The following AGL variants were observed in gnomAD, a reference collection of about 807,000 sequenced individuals.
AGL encodes the protein glycogen debranching enzyme.
A neutral mutation model predicts 199.3 loss-of-function variants in AGL; 128 were observed. That is an observed-to-expected ratio of 0.64 (90% CI 0.56 to 0.74). AGL has a LOEUF of 0.74. Ranked by LOEUF, AGL falls within the 30% of genes least tolerant of loss-of-function variation. AGL has a pLI of 0.00. For synonymous variants in AGL, 584 were observed against 594.7 expected, an observed-to-expected ratio of 0.98 and a Z score of 0.26; for missense variants, 1,809 against 1,820.8, an observed-to-expected ratio of 0.99 and a Z score of 0.12.
chr1:99,854,392 C>G (rs968406595), intron 2 of AGL, among the ~76,000 whole-genome samples: 1 of 152,078 alleles, frequency 6.6e-6, no homozygotes, highest in Admixed American at 6.5e-5. Flanking sequence ...TGGTTAAAAC[C>G]GGTAAATGTA....
At position 99,900,880 on chromosome 1, in the gene AGL, A is replaced by ATTT. The variant is rs762195957; in HGVS notation, c.3588+20_3588+21insTTT. 1 of 1,518,610 alleles carries ATTT rather than the reference A, an allele frequency of 6.6e-7. No individual in the cohort carries two copies. Among genetic ancestry groups the ATTT allele is most frequent in the Non-Finnish European group, 9.0e-7 (1 of 1,115,412 alleles). The allele number at this position is 1,518,610 out of a possible 1,614,324, so 94.1% of individuals were successfully genotyped here. A position where few individuals can be genotyped will look rare whatever the true frequency, so the allele number is the denominator to read the frequency against. On this transcript the variant is annotated intron_variant, in intron 26 of 33. Coordinates refer to ENST00000361915, the MANE Select transcript of AGL (RefSeq NM_000642.3). The stretch of plus-strand genomic sequence containing the variant: ...CACACTGGTAAAGATATTTCTTAAA[A>ATTT]TGTTTTTTTGTTTTTTTTTTTTTTT...
Position 99,881,325 on chromosome 1 carries a change from A to G in AGL, c.2035A>G (p.Lys679Glu). The change falls in exon 16 of 34, where the codon AAG becomes GAG. Residue 679 changes from lysine (K) to glutamate (E), a missense_variant. Transcript: ENST00000361915. ...GGTTTCTGAAGAACGGTTTTACACTAAGTGGAATCCTGAAGCATTGCCTTC... is the reference window on the plus strand; with the variant it reads ...GGTTTCTGAAGAACGGTTTTACACTGAGTGGAATCCTGAAGCATTGCCTTC... ...SVVSEERFYTKWNPEALPSNT... is the reference protein window; with the variant it reads ...SVVSEERFYTEWNPEALPSNT... 6.2e-7 allele frequency: 1 copy of G among 1,614,128 alleles called. No individual in the cohort carries two copies. Among genetic ancestry groups the G allele is most frequent in the Non-Finnish European group, 8.5e-7 (1 of 1,179,996 alleles).
chr1:99,855,831 G>A (rs1048787833), intron 2 of AGL, among the ~76,000 whole-genome samples: 1 of 151,828 alleles, frequency 6.6e-6, no homozygotes, highest in Admixed American at 6.6e-5. Context: ...AACAAAATAA[G>A]TACTTCCCAA....
At chr1:99,861,198 G>A (rs1571225499) in intron 2 of AGL, 1 of 1,235,344 alleles carries the variant, frequency 8.1e-7, no homozygotes, top group East Asian at 4.6e-5. Context: ...GGGGGATCAT[G>A]GTAAATGGGG....
intron 27 of AGL, among the ~76,000 whole-genome samples, chr1:99,904,415 G>GGT (rs1654095346): frequency 6.6e-6 from 1 of 152,142 alleles, no homozygotes; most frequent in African/African-American, 2.4e-5. Context: ...ACCCAGTACA[G>GGT]CATCAGAGTC....
chr1:99,856,452 T>G (rs6674718), intron 2 of AGL, among the ~76,000 whole-genome samples: 41,060 of 150,168 alleles, frequency 0.27, 6,745 homozygotes, highest in African/African-American at 0.46. Flanking sequence ...ATTTATTTAT[T>G]TATTTATTTT....
intron 2 of AGL, among the ~76,000 whole-genome samples, chr1:99,857,835 A>AGGGGGGG (rs1270994996): frequency 2.7e-4 from 1 of 3,666 alleles, no homozygotes; most frequent in African/African-American, 1.2e-3. Flanking sequence ...GACCGTGGGG[A>AGGGGGGG]GGGGGAGGGG....
At chr1:99,901,933 A>T (rs1018712972) in intron 26 of AGL, among the ~76,000 whole-genome samples, 1 of 152,140 alleles carries the variant, frequency 6.6e-6, no homozygotes, top group African/African-American at 2.4e-5. Context: ...GGTTCATGCT[A>T]TCAGGCAGGT....
chr1:99,901,557 G>A (rs991649756), intron 26 of AGL, among the ~76,000 whole-genome samples: 9 of 152,030 alleles, frequency 5.9e-5, no homozygotes, highest in African/African-American at 2.2e-4. Flanking sequence ...ATACCTGCAG[G>A]GTAGTAAGAG....
At position 99,884,208 on chromosome 1, in the gene AGL, A is replaced by AC. The variant is rs1652268068; in HGVS notation, c.2399dup (p.Asp801ArgfsTer7). On this transcript the variant is annotated frameshift_variant, in exon 18 of 34. Coordinates refer to ENST00000361915, the MANE Select transcript of AGL (RefSeq NM_000642.3). LOFTEE classifies it high-confidence loss of function. ...AGGATGAGAATTCAATCAATGGAAC[A>AC]CCAGATATCACAGTAGAAATTAGAG... 2 of 1,613,292 alleles carry AC rather than the reference A, an allele frequency of 1.2e-6. No homozygotes were observed. The highest frequency in any genetic ancestry group is 2.2e-5 in the South Asian group (2 of 91,066).
rs760592736 is a variant in AGL at position 99,902,653 on chromosome 1, C to G, written c.3589-30C>G. Reference sequence around the variant, plus strand: ...AAAATAAGAAAAATGTAATTTCTAACAGAGGTAACACCCATTATGTCTCAA... The same window carrying G: ...AAAATAAGAAAAATGTAATTTCTAAGAGAGGTAACACCCATTATGTCTCAA... On this transcript the variant is annotated intron_variant, in intron 26 of 33. Coordinates refer to ENST00000361915, the MANE Select transcript of AGL (RefSeq NM_000642.3). The G allele has an allele frequency of 1.5e-5, 23 of 1,504,342 alleles. No individual in the cohort carries two copies. In the Admixed American group the frequency reaches 3.7e-4, roughly 24 times the overall value. 93.2% of individuals were successfully genotyped at this position (1,504,342 alleles called of 1,614,324 possible).
At chr1:99,901,771 G>A (rs1041811623) in intron 26 of AGL, among the ~76,000 whole-genome samples, 14 of 151,912 alleles carry the variant, frequency 9.2e-5, no homozygotes, top group Non-Finnish European at 1.9e-4. Flanking sequence ...TGGGGGGGCT[G>A]GGAGGGGATA....
At chr1:99,863,246 A>G (rs1650218671) in intron 4 of AGL, among the ~76,000 whole-genome samples, 1 of 151,620 alleles carries the variant, frequency 6.6e-6, no homozygotes, top group East Asian at 2.0e-4. Context: ...CCCATATTAC[A>G]TTTTTGATAC....
intron 26 of AGL, among the ~76,000 whole-genome samples, chr1:99,901,316 C>T (rs1401028705): frequency 2.1e-5 from 3 of 140,172 alleles, no homozygotes; most frequent in African/African-American, 8.1e-5. Context: ...GAGGCTGAGG[C>T]AGAAGGATCA....
chr1:99,870,951 C>T (rs1165597247), intron 7 of AGL, 82 bp downstream of exon 7: 1 of 831,230 alleles, frequency 1.2e-6, no homozygotes, highest in Non-Finnish European at 2.0e-6. Context: ...TGGGTAACGT[C>T]ATTATTAAAT....
intron 27 of AGL, 56 bp downstream of exon 27, chr1:99,902,850 T>TG: frequency 7.5e-7 from 1 of 1,329,468 alleles, no homozygotes; most frequent in African/African-American, 1.4e-5. Flanking sequence ...AATTAAACCT[T>TG]GCAATTGTTC....
intron 17 of AGL, among the ~76,000 whole-genome samples, chr1:99,883,836 G>A (rs1183226026): frequency 6.6e-6 from 1 of 152,060 alleles, no homozygotes; most frequent in East Asian, 1.9e-4. Context: ...AGCCTTTCAA[G>A]TGATTTGCTT....
chr1:99,870,866 C>T lies in AGL; in HGVS notation c.955C>T (p.Gln319Ter), dbSNP rs753488821. Reference sequence around the variant, plus strand: ...TGAGCAATTTAGAAGACTTCTTACACAAGGTAAAGGATACATACTAGAATG... The same window carrying T: ...TGAGCAATTTAGAAGACTTCTTACATAAGGTAAAGGATACATACTAGAATG... The part of the protein sequence containing the change: ...AVEQFRRLLT[Q>*]ENRRVTKSDP... The change falls in exon 7 of 34, where the codon CAA becomes TAA. Residue 319 changes from glutamine (Q) to a stop codon, truncating the protein, a stop_gained. Transcript: ENST00000361915. LOFTEE classifies it high-confidence loss of function. 1 of 1,558,532 alleles carries T rather than the reference C, an allele frequency of 6.4e-7. No homozygotes were observed. The highest frequency in any genetic ancestry group is 1.4e-5 in the African/African-American group (1 of 73,562).
In AGL at chr1:99,880,028, A is replaced by T. The variant is rs774805792; in HGVS notation, c.1717A>T (p.Ile573Phe). 6.2e-7 allele frequency: 1 copy of T among 1,613,510 alleles called. No homozygotes were observed. Among genetic ancestry groups the T allele is most frequent in the Non-Finnish European group, 8.5e-7 (1 of 1,179,588 alleles). ...LDNVFVTRLG[I>F]SSLIREAMSA... ...CAATGTCTTTGTTACTAGACTGGGC[A>T]TTAGTTCCTTAATAAGAGGTAGGCT... Residue 573 changes from isoleucine to phenylalanine, a missense_variant, in exon 13 of 34, where the codon ATT becomes TTT. By Grantham distance (21) the Ile-to-Phe change is conservative (BLOSUM62 0). Transcript: ENST00000361915.
Sources: allele counts gnomAD v4.1 joint callset (sites outside exome capture counted in the v4.1 genomes callset), GRCh38; gene constraint gnomAD v4.1.1; transcripts MANE v1.5; gene names NCBI Gene and HGNC (gene_info 2026-07-23, HGNC 2026-07-21).